NCAM1: variants seen among roughly 807,000 people sequenced by gnomAD.
NCAM1 encodes the protein antigen recognized by monoclonal antibody 5.1H11.
In NCAM1, 14 loss-of-function variants were observed where a neutral mutation model predicts 109.8. That is an observed-to-expected ratio of 0.13 (90% CI 0.08 to 0.20). NCAM1 has a LOEUF of 0.20. Among genes scored for constraint, NCAM1 ranks in the 10% least tolerant of loss-of-function variants. NCAM1 has a pLI of 1.00. For synonymous variants in NCAM1, 418 were observed against 442.9 expected, an observed-to-expected ratio of 0.94 and a Z score of 0.70; for missense variants, 774 against 1,109.9, an observed-to-expected ratio of 0.70 and a Z score of 4.30.
At chr11:113,191,195 G>A (rs1420867491) in intron 1 of NCAM1, among the ~76,000 whole-genome samples, 1 of 152,198 alleles carries the variant, frequency 6.6e-6, no homozygotes, top group African/African-American at 2.4e-5. Context: ...GGGAAGGGCT[G>A]CAGGTGGACA....
chr11:113,030,063 TA>T (rs35017949), intron 1 of NCAM1, among the ~76,000 whole-genome samples: 68,532 of 151,830 alleles, frequency 0.45, 16,338 homozygotes, highest in East Asian at 0.8. Flanking sequence ...CTTTATTTGA[TA>T]AAAAAAAGGG....
At chr11:113,244,659 G>A (rs1219434479) in intron 14 of NCAM1, among the ~76,000 whole-genome samples, 2 of 7,688 alleles carry the variant, frequency 2.6e-4, no homozygotes, top group Non-Finnish European at 5.2e-4. Context: ...GTGTGCGTGT[G>A]TGTGTGTGTG....
At position 113,271,431 on chromosome 11, in the gene NCAM1, T is replaced by G. The variant is rs187187265; in HGVS notation, c.2340-329T>G. Among the ~76,000 whole-genome samples, 20 of 150,710 alleles carry G rather than the reference T, an allele frequency of 1.3e-4. No individual in the cohort carries two copies. The East Asian group carries it at 3.7e-3, about 28-fold the overall frequency. On this transcript the variant is annotated intron_variant, in intron 18 of 19. Coordinates refer to ENST00000316851, the MANE Select transcript of NCAM1 (RefSeq NM_181351.5). ...AGGAAAAGAAATGTATGTATACCTG[T>G]GTACAGAGACAGATGTATGTATTTG...
intron 5 of NCAM1, among the ~76,000 whole-genome samples, chr11:113,206,473 T>A (rs1389070233): frequency 6.6e-6 from 1 of 152,130 alleles, no homozygotes; most frequent in African/African-American, 2.4e-5. Flanking sequence ...TTAATCCTCA[T>A]TGTCCTTGAT....
rs114881449 is a variant in NCAM1 at position 113,254,130 on chromosome 11, T to C, written c.1829-1747T>C. 2.2e-3 allele frequency among the ~76,000 whole-genome samples: 342 copies of C among 152,328 alleles called. 1 individual carries two copies. The highest frequency in any genetic ancestry group is 7.8e-3 in the African/African-American group (326 of 41,576). On this transcript the variant is annotated intron_variant, in intron 15 of 19. Coordinates refer to ENST00000316851, the MANE Select transcript of NCAM1 (RefSeq NM_181351.5). ...TAATGACATAGCCATAACTGATGTA[T>C]TATCTAGGACTTGGGACAGTCCGAA...
Position 113,259,989 on chromosome 11 carries a change from G to A in NCAM1, c.1954-157G>A, listed in dbSNP as rs1343972797. 1.9e-5 allele frequency: 12 copies of A among 619,184 alleles called. No individual in the cohort carries two copies. The East Asian group carries it at 2.2e-4, about 11-fold the overall frequency. The allele number at this position is 619,184 out of a possible 1,614,324, so 38.4% of individuals were successfully genotyped here. A position where few individuals can be genotyped will look rare whatever the true frequency, so the allele number is the denominator to read the frequency against. ...AAGGTGGCTAGGATTATAGGCATGA[G>A]CCACCGCGCCCACCCCCATCATTGC... On this transcript the variant is annotated intron_variant, in intron 16 of 19. Transcript: ENST00000316851.
chr11:113,218,945 T>C lies in NCAM1; in HGVS notation c.1060-2351T>C, dbSNP rs942569364. 9.2e-5 allele frequency among the ~76,000 whole-genome samples: 14 copies of C among 152,240 alleles called. No homozygotes were observed. In the Middle Eastern group the frequency reaches 9.5e-3, roughly 103 times the overall value. ...TCATCCTGCCCAGATTCCTTTTAAA[T>C]ATTGCCAGGTGTTTGAGTGAGTGGT... is the stretch of plus-strand genomic sequence containing the variant. On this transcript the variant is annotated intron_variant, in intron 8 of 19. Transcript: ENST00000316851.
In NCAM1 at chr11:113,024,014, G is replaced by T. The variant is rs1434252530; in HGVS notation, c.52+62350G>T. On this transcript the variant is annotated intron_variant, in intron 1 of 19. Coordinates refer to ENST00000316851, the MANE Select transcript of NCAM1 (RefSeq NM_181351.5). ...CCAGTTGCTTTCAGGGATTTAAAAA[G>T]TTGGGTCCGGTTTTCTTCATGGCAG... Among the ~76,000 whole-genome samples the T allele has an allele frequency of 3.9e-5, 6 of 152,290 alleles. No homozygotes were observed. In the East Asian group the frequency reaches 1.2e-3, roughly 29 times the overall value.
intron 1 of NCAM1, among the ~76,000 whole-genome samples, chr11:113,146,910 C>A (rs1555101429): frequency 1.4e-5 from 2 of 147,980 alleles, no homozygotes; most frequent in East Asian, 2.0e-4. Context: ...AAAAAAAAAA[C>A]CTGCTTATTA....
chr11:113,211,959 C>A (rs1263378756), intron 7 of NCAM1, among the ~76,000 whole-genome samples: 2 of 152,138 alleles, frequency 1.3e-5, no homozygotes, highest in Non-Finnish European at 2.9e-5. Context: ...AACAGGGATC[C>A]AAAAGCCAAG....
chr11:113,215,600 T>G (rs782308876), intron 8 of NCAM1, among the ~76,000 whole-genome samples: 3 of 152,186 alleles, frequency 2.0e-5, no homozygotes, highest in Non-Finnish European at 4.4e-5. Flanking sequence ...GTCCCACTAA[T>G]AGAAAACAAA....
rs199873299 is a variant in NCAM1 at position 113,088,729 on chromosome 11, CT to C, written c.53-113643del. 4.8e-4 allele frequency among the ~76,000 whole-genome samples: 73 copies of C among 152,182 alleles called. 1 individual carries two copies. In the East Asian group the frequency reaches 0.013, roughly 27 times the overall value. ...GAAATTTGTCATATTTCTCTCACTC[CT>C]TTTTTTCTAGGTTGCTTTTAAATGT... On this transcript the variant is annotated intron_variant, in intron 1 of 19. Transcript: ENST00000316851.
At chr11:113,123,269 C>T (rs1941042249) in intron 1 of NCAM1, among the ~76,000 whole-genome samples, 1 of 152,120 alleles carries the variant, frequency 6.6e-6, no homozygotes, top group African/African-American at 2.4e-5. Context: ...AATCTAAACA[C>T]CCTGGTTTGA....
chr11:113,036,009 A>T (rs1952868296), intron 1 of NCAM1, among the ~76,000 whole-genome samples: 1 of 151,846 alleles, frequency 6.6e-6, no homozygotes, highest in Non-Finnish European at 1.5e-5. Flanking sequence ...AGCATGGCCC[A>T]GTCACTTCTC....
intron 14 of NCAM1, among the ~76,000 whole-genome samples, chr11:113,244,660 T>TGTGC (rs1277345342): frequency 1.4e-5 from 1 of 69,558 alleles, no homozygotes; most frequent in East Asian, 3.9e-4. Flanking sequence ...TGTGCGTGTG[T>TGTGC]GTGTGTGTGT....
At chr11:112,971,942 A>G (rs1243285509) in intron 1 of NCAM1, among the ~76,000 whole-genome samples, 1 of 152,184 alleles carries the variant, frequency 6.6e-6, no homozygotes, top group Non-Finnish European at 1.5e-5. Context: ...TAATTTTGGA[A>G]AGACACACTT....
chr11:113,204,140 C>T (rs1944161136), intron 2 of NCAM1, 146 bp from the exon 3 acceptor site: 1 of 646,718 alleles, frequency 1.5e-6, no homozygotes, highest in African/African-American at 1.8e-5. Flanking sequence ...CATGTCATTC[C>T]AGCAGCCATA....
intron 1 of NCAM1, among the ~76,000 whole-genome samples, chr11:113,098,352 C>T (rs1939703045): frequency 6.6e-6 from 1 of 152,216 alleles, no homozygotes; most frequent in Non-Finnish European, 1.5e-5. Flanking sequence ...AACCTACATA[C>T]ATCCTCCTGT....
At chr11:113,044,505 C>CA (rs1405996676) in intron 1 of NCAM1, among the ~76,000 whole-genome samples, 8 of 151,820 alleles carry the variant, frequency 5.3e-5, no homozygotes, top group Admixed American at 2.6e-4. Context: ...GCCAACATGG[C>CA]AAAAACCCAT....
Sources: gnomAD v4.1 joint callset for allele counts (sites outside exome capture counted in the v4.1 genomes callset) on GRCh38, gnomAD v4.1.1 for gene constraint, MANE v1.5 for transcripts, NCBI Gene and HGNC (gene_info 2026-07-23, HGNC 2026-07-21) for gene names.